Variants in GABRG3 observed in about 807,000 individuals in gnomAD.
GABRG3 encodes gamma-aminobutyric acid type A receptor subunit gamma3.
In GABRG3, 25 loss-of-function variants were observed where a neutral mutation model predicts 48.8. That is an observed-to-expected ratio of 0.51 (90% CI 0.37 to 0.72). The LOEUF is 0.72. Among genes scored for constraint, GABRG3 ranks in the 30% least tolerant of loss-of-function variants. The pLI, the probability that GABRG3 is intolerant of heterozygous loss-of-function variation, is 0.00. For missense variants in GABRG3, 394 were observed against 577.9 expected (o/e 0.68, Z 3.26); for synonymous variants, 227 against 217.6 (o/e 1.04, Z -0.38).
intron 3 of GABRG3, among the ~76,000 whole-genome samples, chr15:27,102,336 CAG>C (rs1051864754): frequency 6.6e-6 from 1 of 152,162 alleles, no homozygotes; most frequent in African/African-American, 2.4e-5. Flanking sequence ...AATGACTAAT[CAG>C]AATTTCCACG....
chr15:27,238,914 G>A (rs1890055124), intron 3 of GABRG3, among the ~76,000 whole-genome samples: 3 of 152,178 alleles, frequency 2.0e-5, no homozygotes, highest in Non-Finnish European at 4.4e-5. Flanking sequence ...ACGATTGTTA[G>A]TATCCCAACA....
chr15:27,136,641 G>A (rs1442003686), intron 3 of GABRG3, among the ~76,000 whole-genome samples: 1 of 152,064 alleles, frequency 6.6e-6, no homozygotes, highest in Non-Finnish European at 1.5e-5. Flanking sequence ...CTGATTATGT[G>A]GAAATGGGCA....
At chr15:27,250,083 G>A (rs751741568) in intron 3 of GABRG3, among the ~76,000 whole-genome samples, 1 of 151,990 alleles carries the variant, frequency 6.6e-6, no homozygotes, top group Non-Finnish European at 1.5e-5. Context: ...CCTCTCCAAA[G>A]CCCCCTCACC....
At chr15:27,070,703 C>A (rs1379177331) in intron 3 of GABRG3, among the ~76,000 whole-genome samples, 1 of 152,120 alleles carries the variant, frequency 6.6e-6, no homozygotes, top group Non-Finnish European at 1.5e-5. Context: ...CAAGCAGTGA[C>A]CCTAAAGGCA....
chr15:27,142,321 C>T (rs984590453), intron 3 of GABRG3, among the ~76,000 whole-genome samples: 1 of 152,180 alleles, frequency 6.6e-6, no homozygotes, highest in African/African-American at 2.4e-5. Flanking sequence ...ATTGGACTTA[C>T]AGTTCCACGT....
At chr15:27,363,136 A>T (rs1368554846) in intron 5 of GABRG3, 1 of 152,180 alleles carries the variant, frequency 6.6e-6, no homozygotes, top group South Asian at 2.1e-4. Context: ...GGGACTCAAC[A>T]TCCCCACATT....
chr15:27,132,646 T>G (rs988922698), intron 3 of GABRG3, among the ~76,000 whole-genome samples: 1 of 151,498 alleles, frequency 6.6e-6, no homozygotes, highest in African/African-American at 2.4e-5. Flanking sequence ...TAAAATTGGT[T>G]GTAATGTCTC....
intron 2 of GABRG3, among the ~76,000 whole-genome samples, chr15:26,997,006 C>T (rs1895355041): frequency 6.6e-6 from 1 of 152,062 alleles, no homozygotes; most frequent in Non-Finnish European, 1.5e-5. Context: ...GTTAGTTTTT[C>T]ATCATTCCTT....
intron 3 of GABRG3, among the ~76,000 whole-genome samples, chr15:27,257,672 G>A (rs1890661596): frequency 6.6e-6 from 1 of 152,142 alleles, no homozygotes; most frequent in African/African-American, 2.4e-5. Flanking sequence ...AGAGGATTTT[G>A]TAATTTTAAA....
intron 3 of GABRG3, among the ~76,000 whole-genome samples, chr15:27,041,062 C>T (rs1202185831): frequency 6.6e-6 from 1 of 152,084 alleles, no homozygotes; most frequent in Admixed American, 6.5e-5. Flanking sequence ...CTCTCTTTTG[C>T]AATGTCGAAT....
chr15:27,012,546 G>T (rs1391406947), intron 2 of GABRG3, among the ~76,000 whole-genome samples: 1 of 151,914 alleles, frequency 6.6e-6, no homozygotes, highest in African/African-American at 2.4e-5. Flanking sequence ...TATTCTCTTT[G>T]TAATACATTA....
chr15:27,365,610 T>C (rs1433013827), intron 5 of GABRG3: 1 of 152,226 alleles, frequency 6.6e-6, no homozygotes, highest in Non-Finnish European at 1.5e-5. Context: ...CAGGTGACAC[T>C]GACTCGTCCC....
At chr15:27,197,610 C>T (rs988447138) in intron 3 of GABRG3, among the ~76,000 whole-genome samples, 12 of 151,764 alleles carry the variant, frequency 7.9e-5, no homozygotes, top group East Asian at 1.9e-4. Context: ...ATTGCACGTG[C>T]GTTTTTTTTG....
Position 27,236,468 on chromosome 15 carries a change from A to G in GABRG3, c.271-90341A>G, listed in dbSNP as rs143666032. Among the ~76,000 whole-genome samples the G allele has an allele frequency of 6.6e-6, 1 of 152,332 alleles. No homozygotes were observed. The highest frequency in any genetic ancestry group is 2.4e-5 in the African/African-American group (1 of 41,578). On this transcript the variant is annotated intron_variant, in intron 3 of 9. Transcript: ENST00000615808. This position sits in a 1 kb window ranked among gnomAD's most constrained non-coding sequence, Gnocchi z 4.4. ...ACGCCTCAGTGTACCCTTCCTCAGT[A>G]ACCTTTCACCAGAATTCTCTCTAAG... is the stretch of plus-strand genomic sequence containing the variant.
At chr15:27,004,387 G>A (rs1895539509) in intron 2 of GABRG3, among the ~76,000 whole-genome samples, 1 of 151,440 alleles carries the variant, frequency 6.6e-6, no homozygotes, top group Non-Finnish European at 1.5e-5. Context: ...TCCTGGATGT[G>A]ATGGCGGCCG....
At chr15:27,316,211 C>A (rs1245816884) in intron 3 of GABRG3, among the ~76,000 whole-genome samples, 2 of 151,838 alleles carry the variant, frequency 1.3e-5, no homozygotes, top group African/African-American at 4.8e-5. Context: ...AACGGTGAAA[C>A]CCCGTCTCTA....
chr15:27,297,184 CT>C (rs1892021257), intron 3 of GABRG3, among the ~76,000 whole-genome samples: 1 of 151,904 alleles, frequency 6.6e-6, no homozygotes, highest in Non-Finnish European at 1.5e-5. Context: ...GCATTTTAAG[CT>C]AGATATAACA....
chr15:27,437,905 A>C (rs1888667125), intron 5 of GABRG3, among the ~76,000 whole-genome samples: 1 of 152,108 alleles, frequency 6.6e-6, no homozygotes, highest in Non-Finnish European at 1.5e-5. Flanking sequence ...GAAGCAAGAG[A>C]GAGGAGGAGG....
intron 5 of GABRG3, among the ~76,000 whole-genome samples, chr15:27,471,640 G>A (rs1439576509): frequency 1.3e-5 from 2 of 152,132 alleles, no homozygotes; most frequent in Non-Finnish European, 2.9e-5. Context: ...TAATTTTCTT[G>A]CTGTTATAAT....
Sources: gnomAD v4.1 joint callset for allele counts (sites outside exome capture counted in the v4.1 genomes callset) on GRCh38, gnomAD v4.1.1 for gene constraint, Gnocchi (gnomAD v3.1) non-coding constraint, MANE v1.5 for transcripts, NCBI Gene and HGNC (gene_info 2026-07-23, HGNC 2026-07-21) for gene names.